Variants in EMSY observed in about 807,000 individuals in gnomAD.
EMSY encodes the protein BRCA2-interacting transcriptional repressor EMSY.
EMSY carries 26 observed loss-of-function variants against 134.6 expected under a neutral mutation model. That is an observed-to-expected ratio of 0.19 (90% CI 0.14 to 0.27). The LOEUF is 0.27. EMSY is among the 10% of genes least tolerant of loss of function. The pLI is 1.00. For synonymous variants in EMSY, 579 were observed against 577.8 expected (o/e 1.00, Z -0.03); for missense variants, 1,305 against 1,611.4 (o/e 0.81, Z 3.26).
At chr11:76,546,442 T>C (rs1951656783) in intron 20 of EMSY, 145 bp downstream of exon 21, 9 of 1,155,436 alleles carry the variant, frequency 7.8e-6, no homozygotes, top group Admixed American at 5.4e-5. Flanking sequence ...TTTGACAAAT[T>C]TGGTTTAACA....
At chr11:76,463,340 G>A (rs1249817861) in intron 6 of EMSY, among the ~76,000 whole-genome samples, 1 of 150,012 alleles carries the variant, frequency 6.7e-6, no homozygotes, top group Non-Finnish European at 1.5e-5. Context: ...AGGAGGGAAG[G>A]CAGCCGGGCG....
At chr11:76,446,946 T>C (rs760683065) in exon 2 of EMSY, 1 of 1,613,470 alleles carries the variant, frequency 6.2e-7, no homozygotes, top group South Asian at 1.1e-5. Context: ...GCAATGCCTG[T>C]TGTGTGGCCA....
chr11:76,480,461 T>A (rs957932767), intron 8 of EMSY, among the ~76,000 whole-genome samples: 16 of 152,214 alleles, frequency 1.1e-4, no homozygotes, highest in Admixed American at 9.8e-4. Flanking sequence ...AAGATTTTAT[T>A]TCTTGATGAC....
At chr11:76,490,428 G>C (rs988522445) in intron 8 of EMSY, among the ~76,000 whole-genome samples, 1 of 152,214 alleles carries the variant, frequency 6.6e-6, no homozygotes, top group Non-Finnish European at 1.5e-5. Context: ...TATCCTGTGG[G>C]ATGACGAGAG....
At chr11:76,519,910 A>G (rs1226049774) in intron 11 of EMSY, among the ~76,000 whole-genome samples, 1 of 152,152 alleles carries the variant, frequency 6.6e-6, no homozygotes, top group Non-Finnish European at 1.5e-5. Context: ...ATATGCTACG[A>G]GCCAGATACT....
exon 21 of EMSY, chr11:76,550,213 T>C: frequency 7.6e-7 from 1 of 1,323,252 alleles, no homozygotes; most frequent in Non-Finnish European, 9.9e-7. Flanking sequence ...ACCCTTGTAT[T>C]TTGATGACTA....
intron 18 of EMSY, among the ~76,000 whole-genome samples, chr11:76,544,050 TAG>T (rs1951547463): frequency 6.6e-6 from 1 of 152,198 alleles, no homozygotes; most frequent in Non-Finnish European, 1.5e-5. Flanking sequence ...ACTTTTCTTA[TAG>T]TAGTAAGTAG....
At chr11:76,518,433 G>T (rs1950525521) in intron 11 of EMSY, among the ~76,000 whole-genome samples, 1 of 151,360 alleles carries the variant, frequency 6.6e-6, no homozygotes, top group Non-Finnish European at 1.5e-5. Context: ...CACCCAAAGT[G>T]CTGGGATTAC....
rs563729575 is a variant in EMSY at position 76,540,097 on chromosome 11, G to A, written c.2557+457G>A. Among the ~76,000 whole-genome samples the A allele has an allele frequency of 7.9e-5, 12 of 152,098 alleles. No individual in the cohort carries two copies. In the East Asian group the frequency reaches 2.3e-3, roughly 29 times the overall value. ...TTACCGTGAAGTAATTATAGTTGAA[G>A]GAGAATTATTTTTAAATAGACTTAG... On this transcript the variant is annotated intron_variant, in intron 17 of 20. Transcript: ENST00000334736.
intron 8 of EMSY, among the ~76,000 whole-genome samples, chr11:76,485,135 A>G (rs1949129298): frequency 6.6e-6 from 1 of 152,206 alleles, no homozygotes; most frequent in African/African-American, 2.4e-5. Flanking sequence ...AGGAGCTGCT[A>G]CCATTCCTTA....
At chr11:76,504,411 A>G (rs1359414348) in intron 9 of EMSY, among the ~76,000 whole-genome samples, 1 of 152,076 alleles carries the variant, frequency 6.6e-6, no homozygotes, top group Non-Finnish European at 1.5e-5. Context: ...TATAAAAGAT[A>G]CAAAAAGCAC....
intron 9 of EMSY, among the ~76,000 whole-genome samples, chr11:76,510,953 T>C (rs1322133804): frequency 6.6e-6 from 1 of 152,192 alleles, no homozygotes; most frequent in Admixed American, 6.5e-5. Context: ...GAGATTTTAT[T>C]GAGTAGATGT....
chr11:76,523,704 C>CTTTTTTTTTTTTTTTTTTTTTTTTTTT (rs746491659), intron 12 of EMSY, among the ~76,000 whole-genome samples: 1 of 80,536 alleles, frequency 1.2e-5, no homozygotes, highest in African/African-American at 5.2e-5. Context: ...TTGTTACTTT[C>CTTTTTTTTTTTTTTTTTTTTTTTTTTT]TTTTTTTTTT....
At chr11:76,495,597 T>C (rs569248878) in intron 8 of EMSY, among the ~76,000 whole-genome samples, 1 of 152,324 alleles carries the variant, frequency 6.6e-6, no homozygotes, top group East Asian at 1.9e-4. Context: ...CTTTTTGCTG[T>C]GGATATGTTG....
Position 76,550,147 on chromosome 11 carries a change from T to C in EMSY, c.*1T>C, listed in dbSNP as rs370788561. On this transcript the variant is annotated 3_prime_UTR_variant, in exon 21 of 21. Transcript: ENST00000334736. The stretch of plus-strand genomic sequence containing the variant: ...TCAGAGCTCTGCTGAACGGTCCTAG[T>C]GTTTGGACACAATAGTGCACTTTAA... 3.5e-5 allele frequency: 56 copies of C among 1,608,018 alleles called. No individual in the cohort carries two copies. In the African/African-American group the frequency reaches 6.6e-4, roughly 19 times the overall value.
intron 2 of EMSY, 41 bp downstream of exon 2, chr11:76,447,049 C>T: frequency 1.3e-6 from 2 of 1,586,286 alleles, no homozygotes; most frequent in Non-Finnish European, 1.7e-6. Flanking sequence ...TCTCTGATAC[C>T]TTTTTTCCCT....
At chr11:76,495,242 T>TA (rs1254378381) in intron 8 of EMSY, among the ~76,000 whole-genome samples, 1 of 152,220 alleles carries the variant, frequency 6.6e-6, no homozygotes, top group Admixed American at 6.5e-5. Context: ...TTTTCTGTAA[T>TA]ACAGTGTATT....
rs143568764 is a variant in EMSY, at chr11:76,496,421, C to T, written c.1315C>T (p.Pro439Ser). The T allele has an allele frequency of 8.5e-5, 138 of 1,614,098 alleles. No homozygotes were observed. In the African/African-American group the frequency reaches 1.7e-3, roughly 20 times the overall value. ...TCATCAGCAACAGCCTCAGCAGTCTCCTTTGCCACCTGGTATTAAACCTAC... is the reference window on the plus strand; with the variant it reads ...TCATCAGCAACAGCCTCAGCAGTCTTCTTTGCCACCTGGTATTAAACCTAC... The change falls in exon 9 of 21, where the codon CCT becomes TCT. Residue 439 changes from proline (P) to serine (S), a missense_variant. Physicochemically the swap from Pro to Ser is moderately conservative, Grantham distance 74. Coordinates refer to ENST00000334736, the Ensembl canonical transcript of EMSY.
At chr11:76,463,939 G>A (rs150395336) in exon 7 of EMSY, 15 of 1,614,074 alleles carry the variant, frequency 9.3e-6, no homozygotes, top group Middle Eastern at 1.6e-4. Context: ...TCTCAAAGAC[G>A]ATCACTGTGC....
Sources: allele counts gnomAD v4.1 joint callset (sites outside exome capture counted in the v4.1 genomes callset), GRCh38; gene constraint gnomAD v4.1.1; transcripts MANE v1.5; gene names NCBI Gene and HGNC (gene_info 2026-07-23, HGNC 2026-07-21).